The following SRPK1 variants were observed in gnomAD, a reference collection of about 807,000 sequenced individuals.
The protein encoded by SRPK1 is SFRS protein kinase 1.
A neutral mutation model predicts 89.5 loss-of-function variants in SRPK1; 52 were observed. The ratio of observed to expected loss-of-function variants is 0.58; its 90% CI spans 0.46 to 0.73. The LOEUF is 0.73. Among genes scored for constraint, SRPK1 ranks in the 30% least tolerant of loss-of-function variants. The pLI is 0.00. For missense variants in SRPK1, 603 were observed against 780.6 expected (o/e 0.77, Z 2.71); for synonymous variants, 255 against 270.2 (o/e 0.94, Z 0.55).
At chr6:35,870,856 C>A in intron 9 of SRPK1, 78 bp downstream of exon 9, 1 of 1,251,768 alleles carries the variant, frequency 8.0e-7, no homozygotes, top group Non-Finnish European at 1.1e-6. Context: ...TTGAAACAAA[C>A]TGTTACCATC....
chr6:35,874,198 C>A (rs754106289), intron 7 of SRPK1, 35 bp downstream of exon 7: 1 of 1,479,746 alleles, frequency 6.8e-7, no homozygotes, highest in East Asian at 2.3e-5. Context: ...ACTACATAGT[C>A]AAGACTAAGA....
At chr6:35,835,947 T>C (rs1769168785) in intron 15 of SRPK1, among the ~76,000 whole-genome samples, 1 of 152,122 alleles carries the variant, frequency 6.6e-6, no homozygotes, top group South Asian at 2.1e-4. Context: ...TAAAACATCA[T>C]GTCAAGCATG....
chr6:35,836,182 G>T (rs535702059), intron 15 of SRPK1, among the ~76,000 whole-genome samples: 1 of 152,040 alleles, frequency 6.6e-6, no homozygotes, highest in Admixed American at 6.6e-5. Context: ...TCACAGGAGC[G>T]TGAATCCTAC....
At chr6:35,875,254 CTTTTT>C (rs753490683) in intron 6 of SRPK1, among the ~76,000 whole-genome samples, 1 of 136,962 alleles carries the variant, frequency 7.3e-6, no homozygotes, top group Admixed American at 7.3e-5. Context: ...ATGGAGACTT[CTTTTT>C]TTTTTTTTTT....
At chr6:35,904,278 G>C (rs1770802155) in intron 2 of SRPK1, among the ~76,000 whole-genome samples, 1 of 152,122 alleles carries the variant, frequency 6.6e-6, no homozygotes, top group Non-Finnish European at 1.5e-5. Context: ...CTTCACAGCT[G>C]ATCTTTGTTG....
At chr6:35,874,820 C>T (rs904283113) in intron 6 of SRPK1, among the ~76,000 whole-genome samples, 8 of 152,170 alleles carry the variant, frequency 5.3e-5, no homozygotes, top group Non-Finnish European at 7.4e-5. Context: ...ACCTCAAAAA[C>T]GTAAATGCCA....
intron 2 of SRPK1, among the ~76,000 whole-genome samples, chr6:35,898,149 A>G (rs1770661121): frequency 7.4e-6 from 1 of 135,400 alleles, no homozygotes; most frequent in South Asian, 2.6e-4. Context: ...ACAAACAGAT[A>G]AAGAAAAATG....
chr6:35,899,412 T>G (rs1770696567), intron 2 of SRPK1, among the ~76,000 whole-genome samples: 1 of 152,154 alleles, frequency 6.6e-6, no homozygotes, highest in Non-Finnish European at 1.5e-5. Flanking sequence ...CTTAACCCGC[T>G]ACTTTTCTTC....
chr6:35,884,413 A>G (rs1408764578), intron 6 of SRPK1, among the ~76,000 whole-genome samples: 1 of 152,208 alleles, frequency 6.6e-6, no homozygotes, highest in Non-Finnish European at 1.5e-5. Context: ...CCAGAGAAAA[A>G]AACGCCTGAA....
chr6:35,842,545 A>G lies in SRPK1; in HGVS notation c.1680T>C (p.Thr560=). Residue 560 remains threonine, a synonymous_variant, in exon 14 of 16, where the codon ACT becomes ACC. Coordinates refer to ENST00000373825, the MANE Select transcript of SRPK1 (RefSeq NM_003137.5). The stretch of plus-strand genomic sequence containing the variant: ...GTTAAGGGGACTCACCTTCATCTCG[A>G]GTGTACTCTTCCCCTGAATGAGGTT... ...LFEPHSGEEY[T]RDEDHIALII... is the part of the protein sequence containing the mutation. 1 of 1,611,870 alleles carries G rather than the reference A, an allele frequency of 6.2e-7. No individual in the cohort carries two copies. Among genetic ancestry groups the G allele is most frequent in the Non-Finnish European group, 8.5e-7 (1 of 1,179,048 alleles).
intron 2 of SRPK1, among the ~76,000 whole-genome samples, chr6:35,914,426 G>T (rs563858287): frequency 2.0e-4 from 30 of 152,256 alleles, no homozygotes; most frequent in African/African-American, 6.7e-4. Flanking sequence ...CCTAGTTCTG[G>T]TGGCTTCACA....
At chr6:35,862,917 C>T (rs982693438) in intron 12 of SRPK1, among the ~76,000 whole-genome samples, 2 of 152,138 alleles carry the variant, frequency 1.3e-5, no homozygotes, top group African/African-American at 2.4e-5. Context: ...GTAATCCTAG[C>T]ACTTTTGGAG....
chr6:35,915,420 A>AAAG (rs1297095953), intron 2 of SRPK1, among the ~76,000 whole-genome samples: 12 of 151,680 alleles, frequency 7.9e-5, no homozygotes, highest in Non-Finnish European at 1.6e-4. Flanking sequence ...AAAAAAAAAA[A>AAAG]AAAAGAAAAA....
rs544101916 is a variant in SRPK1, at chr6:35,888,985, G to T, written c.194-62C>A. ...GGATGAGAAACAATGGTAAGAAAAG[G>T]CATTTTTAACATCACATTTTTCAAC... is the stretch of plus-strand genomic sequence containing the variant. On this transcript the variant is annotated intron_variant, in intron 3 of 15. Coordinates refer to ENST00000373825, the MANE Select transcript of SRPK1 (RefSeq NM_003137.5). 3.4e-4 allele frequency: 393 copies of T among 1,167,222 alleles called. 1 individual carries two copies. The African/African-American group carries it at 5.2e-3, about 15-fold the overall frequency. 72.3% of individuals were successfully genotyped at this position (1,167,222 alleles called of 1,614,324 possible).
chr6:35,919,203 TCATTTA>T (rs1562001973), intron 2 of SRPK1, among the ~76,000 whole-genome samples: 1 of 152,186 alleles, frequency 6.6e-6, no homozygotes, highest in African/African-American at 2.4e-5. Context: ...ACACAAACTC[TCATTTA>T]CAAGACTTCG....
At chr6:35,846,245 T>TG (rs1769423450) in intron 13 of SRPK1, among the ~76,000 whole-genome samples, 2 of 148,980 alleles carry the variant, frequency 1.3e-5, no homozygotes, top group African/African-American at 4.9e-5. Context: ...GGAAATACAG[T>TG]GAGATCCCAT....
intron 12 of SRPK1, among the ~76,000 whole-genome samples, chr6:35,862,837 C>T (rs766055566): frequency 2.0e-5 from 3 of 152,116 alleles, no homozygotes; most frequent in African/African-American, 2.4e-5. Context: ...ACAACAACAA[C>T]AACAACAACA....
chr6:35,903,970 A>ATTTT (rs754037534), intron 2 of SRPK1, among the ~76,000 whole-genome samples: 5 of 143,446 alleles, frequency 3.5e-5, no homozygotes, highest in Non-Finnish European at 6.1e-5. Context: ...CACCCAGCGA[A>ATTTT]TTTTTTTTTT....
Position 35,860,228 on chromosome 6 carries a change from T to A in SRPK1, c.1513-2860A>T, listed in dbSNP as rs183799646. On this transcript the variant is annotated intron_variant, in intron 12 of 15. Coordinates refer to ENST00000373825, the MANE Select transcript of SRPK1 (RefSeq NM_003137.5). The stretch of plus-strand genomic sequence containing the variant: ...CCCCTTTGAAACTAATATTGAAACT[T>A]AATGTCCAATGTTAACAGTACTAAG... Among the ~76,000 whole-genome samples, 306 of 152,258 alleles carry A rather than the reference T, an allele frequency of 2.0e-3. 2 individuals are homozygous for A. The highest frequency in any genetic ancestry group is 7.0e-3 in the African/African-American group (289 of 41,544).
Sources: allele counts gnomAD v4.1 joint callset (sites outside exome capture counted in the v4.1 genomes callset), GRCh38; gene constraint gnomAD v4.1.1; transcripts MANE v1.5; gene names NCBI Gene and HGNC (gene_info 2026-07-23, HGNC 2026-07-21).